The following PCSK5 variants were observed in gnomAD, a reference collection of about 807,000 sequenced individuals.
PCSK5 encodes the protein prohormone convertase 5.
PCSK5 carries 129 observed loss-of-function variants against 233.2 expected under a neutral mutation model. That is an observed-to-expected ratio of 0.55 (90% CI 0.48 to 0.64). The LOEUF is 0.64. PCSK5 is among the 30% of genes least tolerant of loss of function. The pLI is 0.00. For synonymous variants in PCSK5, 825 were observed against 879.2 expected (o/e 0.94, Z 1.09); for missense variants, 2,076 against 2,430.1 (o/e 0.85, Z 3.06).
chr9:76,249,959 G>A (rs530449411), intron 24 of PCSK5, among the ~76,000 whole-genome samples: 2 of 151,962 alleles, frequency 1.3e-5, no homozygotes, highest in Admixed American at 6.6e-5. Flanking sequence ...GGAAGGAGGC[G>A]ACAAATCTTT....
Position 76,043,520 on chromosome 9 carries a change from T to C in PCSK5, c.632+16483T>C, listed in dbSNP as rs1452772022. 2.0e-5 allele frequency among the ~76,000 whole-genome samples: 3 copies of C among 152,170 alleles called. No individual in the cohort carries two copies. In the East Asian group the frequency reaches 5.8e-4, roughly 29 times the overall value. ...TAGGCCTCTGAAAGGAAATTATGAA[T>C]TAACCTTTGATTTGGAGGTTTTTGT... On this transcript the variant is annotated intron_variant, in intron 5 of 37. Coordinates refer to ENST00000674117, the MANE Select transcript of PCSK5 (RefSeq NM_001372043.1).
chr9:76,358,115 C>A lies in PCSK5; in HGVS notation c.5255-398C>A, dbSNP rs1057076465. On this transcript the variant is annotated intron_variant, in intron 37 of 37. Coordinates refer to ENST00000674117, the MANE Select transcript of PCSK5 (RefSeq NM_001372043.1). ...GAACTCCCTTTGGATGGCAAACTGA[C>A]CTTCTTTCTAGAAGGATTTATTGGC... Among the ~76,000 whole-genome samples the A allele has an allele frequency of 3.9e-5, 6 of 152,284 alleles. No homozygotes were observed. In the South Asian group the frequency reaches 8.3e-4, roughly 21 times the overall value.
intron 1 of PCSK5, among the ~76,000 whole-genome samples, chr9:75,919,543 TTC>T (rs1823152426): frequency 6.6e-6 from 1 of 152,236 alleles, no homozygotes; most frequent in Admixed American, 6.5e-5. Context: ...TTTCCAAGTA[TTC>T]CCAACAATGT....
intron 17 of PCSK5, among the ~76,000 whole-genome samples, chr9:76,187,908 A>G (rs987683346): frequency 1.3e-5 from 2 of 152,210 alleles, no homozygotes; most frequent in African/African-American, 4.8e-5. Context: ...AAAAGTCAAG[A>G]TGATTGGGGA....
intron 9 of PCSK5, among the ~76,000 whole-genome samples, chr9:76,117,382 T>C (rs1257647898): frequency 1.3e-5 from 2 of 151,906 alleles, no homozygotes; most frequent in African/African-American, 4.8e-5. Flanking sequence ...GCTAGAGGGA[T>C]TGATGGTAGG....
In PCSK5 at chr9:76,175,074, C is replaced by T. The variant is rs1425277523; in HGVS notation, c.1845C>T (p.Phe615=). The T allele has an allele frequency of 6.2e-7, 1 of 1,614,034 alleles. No homozygotes were observed. The highest frequency in any genetic ancestry group is 1.3e-5 in the African/African-American group (1 of 74,932). Residue 615 remains phenylalanine, a synonymous_variant, in exon 14 of 38, where the codon TTC becomes TTT. Coordinates refer to ENST00000674117, the MANE Select transcript of PCSK5 (RefSeq NM_001372043.1). ...PTNEFPKVER[F]RYSRVEDPTD... ...ATGAATTTCCGAAAGTGGAACGGTT[C>T]CGCTATAGCCGAGTTGAAGACCCCA...
intron 6 of PCSK5, among the ~76,000 whole-genome samples, chr9:76,070,235 C>G (rs1007956709): frequency 6.6e-6 from 1 of 152,064 alleles, no homozygotes; most frequent in Non-Finnish European, 1.5e-5. Flanking sequence ...CTCCTGACCT[C>G]GTGATCCACC....
At chr9:75,939,399 C>A (rs914000166) in intron 2 of PCSK5, among the ~76,000 whole-genome samples, 3 of 152,288 alleles carry the variant, frequency 2.0e-5, no homozygotes, top group Admixed American at 2.0e-4. Context: ...GAGATCTAAG[C>A]TAAATTTTAG....
At chr9:75,934,911 T>A (rs1171634784) in intron 2 of PCSK5, among the ~76,000 whole-genome samples, 5 of 151,922 alleles carry the variant, frequency 3.3e-5, no homozygotes, top group Non-Finnish European at 1.5e-5. Context: ...TTGTTTTAAT[T>A]TTCAGAAACT....
At chr9:75,979,185 G>A (rs1209672523) in intron 2 of PCSK5, among the ~76,000 whole-genome samples, 1 of 151,902 alleles carries the variant, frequency 6.6e-6, no homozygotes, top group African/African-American at 2.4e-5. Context: ...TTTATCTGCT[G>A]TTTAGATGGC....
intron 14 of PCSK5, chr9:76,175,491 C>T: frequency 2.7e-6 from 1 of 368,256 alleles, no homozygotes; most frequent in Non-Finnish European, 4.8e-6. Flanking sequence ...AATCTGTAAT[C>T]TGGGACATAT....
chr9:75,911,201 G>GTTTTTTTTGTTT (rs1822713464), intron 1 of PCSK5, among the ~76,000 whole-genome samples: 1 of 48,764 alleles, frequency 2.1e-5, no homozygotes, highest in African/African-American at 8.4e-5. Flanking sequence ...GAACATATAG[G>GTTTTTTTTGTTT]TTTTTTTTTT....
chr9:75,930,365 C>T (rs1823728360), intron 1 of PCSK5, among the ~76,000 whole-genome samples: 2 of 152,000 alleles, frequency 1.3e-5, no homozygotes, highest in South Asian at 4.1e-4. Context: ...TGAGGTGAGG[C>T]CAGAGAGAGG....
intron 2 of PCSK5, among the ~76,000 whole-genome samples, chr9:75,966,718 C>T (rs1825602449): frequency 6.6e-6 from 1 of 152,086 alleles, no homozygotes; most frequent in Non-Finnish European, 1.5e-5. Context: ...CTACCAAATA[C>T]CTATTATGTG....
At chr9:76,358,348 A>C (rs190622623) in intron 37 of PCSK5, among the ~76,000 whole-genome samples, 165 bp from the exon 38 acceptor site, 8 of 151,342 alleles carry the variant, frequency 5.3e-5, no homozygotes, top group African/African-American at 2.0e-4. Context: ...TCTACAAAAA[A>C]ATTAAAATTA....
At chr9:76,236,809 T>G (rs961266277) in intron 22 of PCSK5, among the ~76,000 whole-genome samples, 2 of 152,190 alleles carry the variant, frequency 1.3e-5, no homozygotes, top group African/African-American at 4.8e-5. Flanking sequence ...AATAAAGCCA[T>G]GTCCAAACAA....
At chr9:76,218,369 T>G (rs1825613103) in intron 20 of PCSK5, among the ~76,000 whole-genome samples, 1 of 152,132 alleles carries the variant, frequency 6.6e-6, no homozygotes, top group Admixed American at 6.5e-5. Context: ...GGTCATTAAT[T>G]TTAGCTGCCT....
At chr9:76,318,246 C>T (rs1465063804) in intron 30 of PCSK5, among the ~76,000 whole-genome samples, 1 of 151,970 alleles carries the variant, frequency 6.6e-6, no homozygotes, top group East Asian at 1.9e-4. Flanking sequence ...TGTTCTCACT[C>T]ATAAGTGGGA....
intron 1 of PCSK5, among the ~76,000 whole-genome samples, chr9:75,920,839 TA>T (rs936754376): frequency 2.6e-5 from 4 of 151,840 alleles, no homozygotes; most frequent in East Asian, 1.9e-4. Context: ...AAAAAACAAA[TA>T]AAAAAATGCT....
Sources: allele counts gnomAD v4.1 joint callset (sites outside exome capture counted in the v4.1 genomes callset), GRCh38; gene constraint gnomAD v4.1.1; transcripts MANE v1.5; gene names NCBI Gene and HGNC (gene_info 2026-07-23, HGNC 2026-07-21).